DHX37: variants seen among roughly 807,000 people sequenced by gnomAD.
DHX37 encodes the protein probable ATP-dependent RNA helicase DHX37.
A neutral mutation model predicts 134.3 loss-of-function variants in DHX37; 52 were observed. The ratio of observed to expected loss-of-function variants is 0.39; its 90% confidence interval spans 0.31 to 0.49. The LOEUF (loss-of-function observed/expected upper bound fraction) is 0.49, where lower values mean the gene tolerates loss of function less well. Among genes scored for constraint, DHX37 ranks in the 20% least tolerant of loss-of-function variants. DHX37 has a pLI of 0.93. For synonymous variants in DHX37, 634 were observed against 670.7 expected, an observed-to-expected ratio of 0.95 and a Z score of 0.85; for missense variants, 1,344 against 1,580.8, an observed-to-expected ratio of 0.85 and a Z score of 2.54.
Position 124,947,683 on chromosome 12 carries a change from C to A in DHX37, c.*119G>T. The A allele has an allele frequency of 3.8e-6, 5 of 1,331,492 alleles. No individual in the cohort carries two copies. The highest frequency in any genetic ancestry group is 5.0e-6 in the Non-Finnish European group (5 of 994,964). The allele number at this position is 1,331,492 out of a possible 1,614,324, so 82.5% of individuals were successfully genotyped here. Reference sequence around the variant, plus strand: ...ATGGATGAGGGTTCCCAGGGCTTGACCCACTTCCTGAGAGCAGGCCACGAA... The same window carrying A: ...ATGGATGAGGGTTCCCAGGGCTTGAACCACTTCCTGAGAGCAGGCCACGAA... On this transcript the variant is annotated 3_prime_UTR_variant, in exon 27 of 27. Coordinates refer to ENST00000308736, the MANE Select transcript of DHX37 (RefSeq NM_032656.4).
At chr12:124,951,307 G>A (rs1337998848) in intron 21 of DHX37, among the ~76,000 whole-genome samples, 2 of 148,480 alleles carry the variant, frequency 1.3e-5, no homozygotes, top group Non-Finnish European at 3.0e-5. Flanking sequence ...AGGAAGCACC[G>A]ACACCTGCCA....
chr12:124,987,421 T>C (rs550702860), intron 1 of DHX37, among the ~76,000 whole-genome samples: 3 of 152,320 alleles, frequency 2.0e-5, no homozygotes, highest in East Asian at 1.9e-4. Flanking sequence ...AAGGCAGGGA[T>C]ACATGGAAAT....
chr12:124,950,546 G>A lies in DHX37; in HGVS notation c.2988C>T (p.Val996=), dbSNP rs752108250. ...VETTKMYMKG[V]SSVEVQWIPA... is the part of the protein sequence containing the mutation. ...GGATCCACTGGACCTCCACGCTAGA[G>A]ACGCCTGGGGGCCGGGGGAGGAAGC... Residue 996 remains valine, a synonymous_variant, in exon 23 of 27, where the codon GTC becomes GTT. Transcript: ENST00000308736. 1.9e-6 allele frequency: 3 copies of A among 1,549,178 alleles called. No homozygotes were observed. The highest frequency in any genetic ancestry group is 2.5e-5 in the South Asian group (2 of 80,932).
At chr12:124,958,062 A>G (rs1402449343) in intron 16 of DHX37, among the ~76,000 whole-genome samples, 1 of 152,148 alleles carries the variant, frequency 6.6e-6, no homozygotes. Context: ...CATGGAGAGG[A>G]GTGGGCACAG....
chr12:124,960,908 G>C (rs1228431683), intron 15 of DHX37, among the ~76,000 whole-genome samples: 1 of 152,216 alleles, frequency 6.6e-6, no homozygotes, highest in African/African-American at 2.4e-5. Flanking sequence ...TGAGCCAGAT[G>C]GTGCCACTGT....
intron 8 of DHX37, among the ~76,000 whole-genome samples, chr12:124,970,513 C>T (rs1240669011): frequency 6.6e-6 from 1 of 152,130 alleles, no homozygotes; most frequent in Non-Finnish European, 1.5e-5. Context: ...CAATGCACGC[C>T]GCTCACTCCC....
chr12:124,987,424 A>G (rs773069258), intron 1 of DHX37, among the ~76,000 whole-genome samples: 8 of 152,206 alleles, frequency 5.3e-5, no homozygotes, highest in Non-Finnish European at 8.8e-5. Context: ...GCAGGGATAC[A>G]TGGAAATGTC....
rs1247800886 is a variant in DHX37 at position 124,988,907 on chromosome 12, G to T, written c.106+10C>A. 1.5e-6 allele frequency: 2 copies of T among 1,312,274 alleles called. No individual in the cohort carries two copies. Among genetic ancestry groups the T allele is most frequent in the East Asian group, 2.8e-5 (1 of 35,436 alleles). 81.3% of individuals were successfully genotyped at this position (1,312,274 alleles called of 1,614,324 possible). A position where few individuals can be genotyped will look rare whatever the true frequency, so the allele number is the denominator to read the frequency against. On this transcript the variant is annotated intron_variant, in intron 1 of 26. Transcript: ENST00000308736. The stretch of plus-strand genomic sequence containing the variant: ...CTCCGAAATCCAGCCCCGGTCCGGG[G>T]ATGTCTTACCCTCCAGTTCCAGCTG...
At chr12:124,970,794 C>G (rs568205405) in intron 8 of DHX37, among the ~76,000 whole-genome samples, 2 of 152,182 alleles carry the variant, frequency 1.3e-5, no homozygotes, top group East Asian at 3.8e-4. Flanking sequence ...CTCTCCCCGC[C>G]GGGAGGGTGA....
At chr12:124,963,713 CAA>C (rs140757458) in intron 15 of DHX37, among the ~76,000 whole-genome samples, 84 of 115,404 alleles carry the variant, frequency 7.3e-4, no homozygotes, top group East Asian at 9.0e-4. Context: ...ACTAAAAATA[CAA>C]AAAAAAAAAA....
intron 4 of DHX37, among the ~76,000 whole-genome samples, chr12:124,978,829 G>A (rs1295654567): frequency 1.3e-5 from 2 of 151,824 alleles, no homozygotes; most frequent in Non-Finnish European, 2.9e-5. Flanking sequence ...CTACTCAGGA[G>A]GCTGAGGTGG....
intron 9 of DHX37, 46 bp downstream of exon 9, chr12:124,968,821 T>C: frequency 3.7e-6 from 6 of 1,611,298 alleles, no homozygotes; most frequent in Non-Finnish European, 5.1e-6. Flanking sequence ...CACCAGGGCG[T>C]CCTTGTGCCA....
Position 124,948,200 on chromosome 12 carries a change from C to T in DHX37, c.3291-19G>A, listed in dbSNP as rs763799479. On this transcript the variant is annotated intron_variant, in intron 25 of 26. Coordinates refer to ENST00000308736, the MANE Select transcript of DHX37 (RefSeq NM_032656.4). ...CTGCAGCCTGTGGGGCAGGAATGCA[C>T]GTTGGTGGCAGGCAGCCAGGGCACA... 9.3e-6 allele frequency: 15 copies of T among 1,609,956 alleles called. No individual in the cohort carries two copies. Among genetic ancestry groups the T allele is most frequent in the Admixed American group, 1.7e-5 (1 of 59,834 alleles).
At chr12:124,984,448 A>G (rs929504403) in intron 2 of DHX37, among the ~76,000 whole-genome samples, 3 of 152,084 alleles carry the variant, frequency 2.0e-5, no homozygotes, top group Non-Finnish European at 1.5e-5. Context: ...CAGGAGAATC[A>G]CTTGAACCCG....
chr12:124,954,112 C>T lies in DHX37; in HGVS notation c.2553G>A (p.Lys851=). 6.2e-7 allele frequency: 1 copy of T among 1,610,600 alleles called. No homozygotes were observed. The highest frequency in any genetic ancestry group is 8.5e-7 in the Non-Finnish European group (1 of 1,178,144). The part of the protein sequence containing the change: ...RTWAGQGASL[K]LGDLMVLLGA... ...CCAGCAGCACCATGAGGTCGCCGAG[C>T]TTCAGAGAAGCCCCCTGCCCTGCCC... The change falls in exon 19 of 27, where the codon AAG becomes AAA. Residue 851 remains lysine, a synonymous_variant. Coordinates refer to ENST00000308736, the MANE Select transcript of DHX37 (RefSeq NM_032656.4).
intron 16 of DHX37, among the ~76,000 whole-genome samples, chr12:124,959,366 C>T (rs11057936): frequency 0.34 from 50,708 of 150,384 alleles, 9,737 homozygotes; most frequent in East Asian, 0.73. Flanking sequence ...AGCCACCACG[C>T]CCAGCCTCCC....
chr12:124,976,860 A>G (rs1157469364), intron 5 of DHX37, among the ~76,000 whole-genome samples: 1 of 148,272 alleles, frequency 6.7e-6, no homozygotes, highest in Non-Finnish European at 1.5e-5. Flanking sequence ...GAAAAAAGAA[A>G]AAAAAAAGAA....
chr12:124,966,771 T>A (rs749927237), intron 12 of DHX37, 22 bp downstream of exon 12: 2 of 1,613,240 alleles, frequency 1.2e-6, no homozygotes, highest in South Asian at 2.2e-5. Flanking sequence ...TCTCCAGGAG[T>A]CCCTGCCAGC....
At chr12:124,966,151 A>G (rs1307894394) in intron 12 of DHX37, among the ~76,000 whole-genome samples, 3 of 152,326 alleles carry the variant, frequency 2.0e-5, no homozygotes, top group Middle Eastern at 3.4e-3. Flanking sequence ...CGGTGCCTTC[A>G]CGCAGAGGCT....
Sources: gnomAD v4.1 joint callset for allele counts (sites outside exome capture counted in the v4.1 genomes callset) on GRCh38, gnomAD v4.1.1 for gene constraint, MANE v1.5 for transcripts, NCBI Gene and HGNC (gene_info 2026-07-23, HGNC 2026-07-21) for gene names.